Variants in KLHL23 observed in about 807,000 individuals in gnomAD.
KLHL23 encodes kelch-like protein 23.
In KLHL23, 33 loss-of-function variants were observed where a neutral mutation model predicts 48.9. The observed-to-expected ratio is 0.67, with a 90% CI of 0.51 to 0.90. The LOEUF (loss-of-function observed/expected upper bound fraction) is 0.90, where lower values mean the gene tolerates loss of function less well. Ranked by LOEUF, KLHL23 falls within the 40% of genes least tolerant of loss-of-function variation. The pLI is 0.00. For missense variants in KLHL23, 608 were observed against 669.6 expected (o/e 0.91, Z 1.02); for synonymous variants, 234 against 231.6 (o/e 1.01, Z -0.09).
Position 169,735,219 on chromosome 2 carries a change from G to C in KLHL23, c.205G>C (p.Asp69His). Residue 69 changes from aspartate (D) to histidine (H), a missense_variant, in exon 2 of 4, where the codon GAC (aspartate) becomes CAC (histidine). Coordinates refer to ENST00000392647, the MANE Select transcript of KLHL23 (RefSeq NM_144711.6). The surrounding 1 kb of genome is among the most constrained non-coding windows in gnomAD (Gnocchi z 4.5). ...SNYFKAMFTA[D>H]MKEKFKNKIK... ...TTATTTTAAGGCAATGTTCACAGCTGACATGAAAGAAAAATTTAAAAATAA... is the reference window on the plus strand; with the variant it reads ...TTATTTTAAGGCAATGTTCACAGCTCACATGAAAGAAAAATTTAAAAATAA... 6.2e-7 allele frequency: 1 copy of C among 1,603,308 alleles called. No homozygotes were observed. The highest frequency in any genetic ancestry group is 8.5e-7 in the Non-Finnish European group (1 of 1,177,574).
chr2:169,751,580 G>GA lies in KLHL23; in HGVS notation c.*1855dup, dbSNP rs1211299190. 6.6e-6 allele frequency: 1 copy of GA among 151,968 alleles called. No homozygotes were observed. Among genetic ancestry groups the GA allele is most frequent in the Non-Finnish European group, 1.5e-5 (1 of 67,984 alleles). 9.4% of individuals were successfully genotyped at this position (151,968 alleles called of 1,614,324 possible). On this transcript the variant is annotated 3_prime_UTR_variant, in exon 4 of 4. Transcript: ENST00000392647. ...ATTCTTTATAATAACAAAAATTGGGGAAAAAAACTCCATGTCAAGAAAGTG... is the reference window on the plus strand; with the variant it reads ...ATTCTTTATAATAACAAAAATTGGGGAAAAAAAACTCCATGTCAAGAAAGTG...
At position 169,751,453 on chromosome 2, in the gene KLHL23, T is replaced by C. The variant is rs1417077905; in HGVS notation, c.*1721T>C. On this transcript the variant is annotated 3_prime_UTR_variant, in exon 4 of 4. Coordinates refer to ENST00000392647, the MANE Select transcript of KLHL23 (RefSeq NM_144711.6). The stretch of plus-strand genomic sequence containing the variant: ...ATATGGTACTACATAGCAAGGGCTG[T>C]AAAAATGACCATATCCTTTGCCCCA... 1 of 152,194 alleles carries C rather than the reference T, an allele frequency of 6.6e-6. No homozygotes were observed. Among genetic ancestry groups the C allele is most frequent in the East Asian group, 1.9e-4 (1 of 5,204 alleles). The allele number at this position is 152,194 out of a possible 1,614,324, so 9.4% of individuals were successfully genotyped here.
In KLHL23 at chr2:169,749,930, T is replaced by G; in HGVS notation, c.*198T>G. ...GAAAAATCTTATATATATATATATATACACACACACATATATGTGTTCATA... is the reference window on the plus strand; with the variant it reads ...GAAAAATCTTATATATATATATATAGACACACACACATATATGTGTTCATA... On this transcript the variant is annotated 3_prime_UTR_variant, in exon 4 of 4. Coordinates refer to ENST00000392647, the MANE Select transcript of KLHL23 (RefSeq NM_144711.6). 1.2e-5 allele frequency: 1 copy of G among 85,500 alleles called. No homozygotes were observed. Among genetic ancestry groups the G allele is most frequent in the Non-Finnish European group, 2.2e-5 (1 of 45,668 alleles). The allele number at this position is 85,500 out of a possible 1,614,324, so 5.3% of individuals were successfully genotyped here.
chr2:169,735,613 T>C lies in KLHL23; in HGVS notation c.599T>C (p.Ile200Thr), dbSNP rs774960035. The change falls in exon 2 of 4, where the codon ATC (isoleucine) becomes ACC (threonine). Residue 200 changes from isoleucine (I) to threonine (T), a missense_variant. By Grantham distance (89) the Ile-to-Thr change is moderately conservative. Around this residue, in one of 3 missense-constraint regions of KLHL23, gnomAD observed 419 missense variants for 473.1 expected, o/e 0.89. Coordinates refer to ENST00000392647, the MANE Select transcript of KLHL23 (RefSeq NM_144711.6). This position sits in a 1 kb window ranked among gnomAD's most constrained non-coding sequence, Gnocchi z 4.5. ...KNLSVWKEEA[I>T]IEPVIKWTAH... ...CTCAGTGTTTGGAAAGAAGAAGCTATCATAGAGCCAGTTATTAAGTGGACT... is the reference window on the plus strand; with the variant it reads ...CTCAGTGTTTGGAAAGAAGAAGCTACCATAGAGCCAGTTATTAAGTGGACT... The C allele has an allele frequency of 2.9e-5, 46 of 1,613,884 alleles. No homozygotes were observed. The highest frequency in any genetic ancestry group is 1.2e-4 in the Admixed American group (7 of 60,006).
In KLHL23 at chr2:169,735,841, A is replaced by G. The variant is rs1688500819; in HGVS notation, c.827A>G (p.Tyr276Cys). 3 of 1,614,142 alleles carry G rather than the reference A, an allele frequency of 1.9e-6. No homozygotes were observed. The highest frequency in any genetic ancestry group is 2.5e-6 in the Non-Finnish European group (3 of 1,180,040). ...TCCCAGAGGTCCACAGCCACAATGT[A>G]TATAATTGGAGGCTATTACTGGCAT... ...EISQRSTATM[Y>C]IIGGYYWHPL... is the part of the protein sequence containing the mutation. The change falls in exon 2 of 4, where the codon TAT becomes TGT. Residue 276 changes from tyrosine to cysteine, a missense_variant. Around this residue, in one of 3 missense-constraint regions of KLHL23, gnomAD observed 419 missense variants for 473.1 expected, o/e 0.89. Transcript: ENST00000392647. The surrounding 1 kb of genome is among the most constrained non-coding windows in gnomAD (Gnocchi z 4.5).
At chr2:169,734,716 T>C (rs990633793) in intron 1 of KLHL23, among the ~76,000 whole-genome samples, 1 of 152,014 alleles carries the variant, frequency 6.6e-6, no homozygotes, top group East Asian at 1.9e-4. Context: ...TAGTGTGGGA[T>C]CTCATCTCCG....
chr2:169,735,718 TA>T lies in KLHL23; in HGVS notation c.709del (p.Thr237GlnfsTer3). 6.2e-7 allele frequency: 1 copy of T among 1,613,958 alleles called. No homozygotes were observed. Among genetic ancestry groups the T allele is most frequent in the Non-Finnish European group, 8.5e-7 (1 of 1,180,008 alleles). On this transcript the variant is annotated frameshift_variant, in exon 2 of 4. Coordinates refer to ENST00000392647, the MANE Select transcript of KLHL23 (RefSeq NM_144711.6). LOFTEE classifies it high-confidence loss of function. This position sits in a 1 kb window ranked among gnomAD's most constrained non-coding sequence, Gnocchi z 4.5. ...AACATTGATATAGATCCAGTGTACTTAAAAACAGCCTTAGGCCTTCAAAGAA... is the reference window on the plus strand; with the variant it reads ...AACATTGATATAGATCCAGTGTACTTAAAACAGCCTTAGGCCTTCAAAGAA... ...YINIDIDPVY[L>X]KTALGLQRSC...
chr2:169,741,487 A>C lies in KLHL23; in HGVS notation c.1316A>C (p.Tyr439Ser). The C allele has an allele frequency of 1.2e-6, 2 of 1,614,018 alleles. No homozygotes were observed. The highest frequency in any genetic ancestry group is 1.7e-6 in the Non-Finnish European group (2 of 1,179,944). Residue 439 changes from tyrosine (Y) to serine (S), a missense_variant, in exon 3 of 4, where the codon TAC becomes TCC. Coordinates refer to ENST00000392647, the MANE Select transcript of KLHL23 (RefSeq NM_144711.6). The stretch of plus-strand genomic sequence containing the variant: ...TGCACCTATGACAAAGTTCAGAGCT[A>C]CAATTCCGATATCAACGAATGGAGC... Reference protein sequence around the residue: ...GSCTYDKVQSYNSDINEWSLI... With the variant: ...GSCTYDKVQSSNSDINEWSLI...
chr2:169,738,957 CCTCCCTCTCCTCCCCCTTCCCCTCCCCCT>C (rs1558946765), intron 2 of KLHL23, among the ~76,000 whole-genome samples: 5 of 1,988 alleles, frequency 2.5e-3, no homozygotes, highest in Non-Finnish European at 5.0e-3. Flanking sequence ...TCCTCCCCCT[CCTCCCTCTCCTCCCCCTTCCCCTCCCCCT>C]CCCCCTCCTC....
chr2:169,747,101 G>T (rs1054752959), intron 3 of KLHL23, among the ~76,000 whole-genome samples: 1 of 152,076 alleles, frequency 6.6e-6, no homozygotes, highest in Non-Finnish European at 1.5e-5. Flanking sequence ...AACCTAGGGA[G>T]GGCCAGGCAC....
chr2:169,744,504 G>A (rs1351724967), intron 3 of KLHL23, among the ~76,000 whole-genome samples: 1 of 152,132 alleles, frequency 6.6e-6, no homozygotes, highest in Non-Finnish European at 1.5e-5. Flanking sequence ...TGGGAGATCG[G>A]ATGGGAGAGT....
intron 2 of KLHL23, among the ~76,000 whole-genome samples, chr2:169,739,611 C>G (rs1452775448): frequency 6.6e-6 from 1 of 152,200 alleles, no homozygotes. Flanking sequence ...GCTGTGATTT[C>G]CCTCGTCAAA....
chr2:169,746,043 G>A (rs960145202), intron 3 of KLHL23, among the ~76,000 whole-genome samples: 13 of 152,252 alleles, frequency 8.5e-5, no homozygotes, highest in Non-Finnish European at 1.5e-4. Flanking sequence ...ACAGCTATGG[G>A]CAGAATCCTA....
Position 169,750,859 on chromosome 2 carries a change from C to A in KLHL23, c.*1127C>A, listed in dbSNP as rs1157714479. 6.6e-6 allele frequency: 1 copy of A among 152,120 alleles called. No individual in the cohort carries two copies. Among genetic ancestry groups the A allele is most frequent in the Admixed American group, 6.5e-5 (1 of 15,268 alleles). The allele number at this position is 152,120 out of a possible 1,614,324, so 9.4% of individuals were successfully genotyped here. A position where few individuals can be genotyped will look rare whatever the true frequency, so the allele number is the denominator to read the frequency against. ...AGCATGTTAGGAAATCCTCTTTATT[C>A]TTAAATATAGATACATGTCTGCATA... On this transcript the variant is annotated 3_prime_UTR_variant, in exon 4 of 4. Coordinates refer to ENST00000392647, the MANE Select transcript of KLHL23 (RefSeq NM_144711.6).
In KLHL23 at chr2:169,736,083, A is replaced by C. The variant is rs759809738; in HGVS notation, c.1069A>C (p.Asn357His). The C allele has an allele frequency of 6.2e-7, 1 of 1,614,182 alleles. No individual in the cohort carries two copies. The highest frequency in any genetic ancestry group is 8.5e-7 in the Non-Finnish European group (1 of 1,180,030). The change falls in exon 2 of 4, where the codon AAT becomes CAT. Residue 357 changes from asparagine to histidine, a missense_variant. By Grantham distance (68) the Asn-to-His change is moderately conservative. Coordinates refer to ENST00000392647, the MANE Select transcript of KLHL23 (RefSeq NM_144711.6). ...DEWTEGLPML[N>H]ARYYHCAVTL... ...ATGGACAGAAGGTTTGCCAATGCTC[A>C]ATGCCAGGTATTACCACTGTGCAGT...
At chr2:169,741,299 C>T in intron 2 of KLHL23, 86 bp from the exon 3 acceptor site, 3 of 1,507,900 alleles carry the variant, frequency 2.0e-6, no homozygotes, top group Non-Finnish European at 2.7e-6. Flanking sequence ...TCAGTAATAA[C>T]AAAAACAACA....
chr2:169,749,765 T>A lies in KLHL23; in HGVS notation c.*33T>A. On this transcript the variant is annotated 3_prime_UTR_variant, in exon 4 of 4. Coordinates refer to ENST00000392647, the MANE Select transcript of KLHL23 (RefSeq NM_144711.6). ...TGCAGAAATGACCAAGCAATCACTT[T>A]TTTGGAGTATAGTTTTATAAAAAAA... 6.4e-7 allele frequency: 1 copy of A among 1,552,416 alleles called. No homozygotes were observed. Among genetic ancestry groups the A allele is most frequent in the African/African-American group, 1.4e-5 (1 of 73,242 alleles).
chr2:169,744,044 A>G (rs1006667277), intron 3 of KLHL23, among the ~76,000 whole-genome samples: 3 of 152,194 alleles, frequency 2.0e-5, no homozygotes, highest in Non-Finnish European at 2.9e-5. Flanking sequence ...AGTTTGTGTA[A>G]TTGGAAAACA....
At chr2:169,744,930 G>GTTTTTGT (rs1688760241) in intron 3 of KLHL23, among the ~76,000 whole-genome samples, 2 of 139,744 alleles carry the variant, frequency 1.4e-5, no homozygotes, top group Non-Finnish European at 3.1e-5. Flanking sequence ...TCAGCTCTAG[G>GTTTTTGT]TTTTTGTTTT....
Sources: gnomAD v4.1 joint callset for allele counts (sites outside exome capture counted in the v4.1 genomes callset) on GRCh38, gnomAD v4.1.1 for gene constraint, gnomAD v4.1.1 regional missense constraint, Gnocchi (gnomAD v3.1) non-coding constraint, MANE v1.5 for transcripts, NCBI Gene and HGNC (gene_info 2026-07-23, HGNC 2026-07-21) for gene names.